FAM13B: variants seen among roughly 807,000 people sequenced by gnomAD.
The protein encoded by FAM13B is family with sequence similarity 13 member B.
FAM13B carries 60 observed loss-of-function variants against 117.3 expected under a neutral mutation model. The observed-to-expected ratio is 0.51, with a 90% confidence interval of 0.42 to 0.63. The LOEUF (loss-of-function observed/expected upper bound fraction) is 0.63. FAM13B is among the 30% of genes least tolerant of loss of function. FAM13B has a pLI of 0.00. For missense variants in FAM13B, 972 were observed against 1,091.9 expected, an observed-to-expected ratio of 0.89 and a Z score of 1.55; for synonymous variants, 332 against 356.1, an observed-to-expected ratio of 0.93 and a Z score of 0.76.
intron 4 of FAM13B, among the ~76,000 whole-genome samples, chr5:138,017,957 T>C (rs1257126325): frequency 6.6e-6 from 1 of 152,206 alleles, no homozygotes; most frequent in Non-Finnish European, 1.5e-5. Flanking sequence ...AGCAACACCT[T>C]TGGCTACTAT....
At chr5:138,035,217 C>T (rs1274183862), upstream of FAM13B, among the ~76,000 whole-genome samples, 4 of 151,360 alleles carry the variant, frequency 2.6e-5, no homozygotes, top group African/African-American at 4.9e-5. Context: ...CCCTATGTTG[C>T]CCAGGCCTCT....
intron 1 of FAM13B, among the ~76,000 whole-genome samples, chr5:138,023,476 T>C (rs952403140): frequency 2.0e-5 from 3 of 152,220 alleles, no homozygotes; most frequent in Non-Finnish European, 4.4e-5. Flanking sequence ...AACCAGAGAA[T>C]GTGATTCTCA....
chr5:138,050,601 C>A (rs1353276782), intron 1 of FAM13B, among the ~76,000 whole-genome samples: 5 of 152,170 alleles, frequency 3.3e-5, no homozygotes, highest in African/African-American at 1.2e-4. Context: ...TCCAAAGAAG[C>A]CCAAGACCTT....
intron 10 of FAM13B, among the ~76,000 whole-genome samples, chr5:137,971,774 G>A (rs1053448931): frequency 2.0e-5 from 3 of 149,200 alleles, no homozygotes; most frequent in Non-Finnish European, 4.5e-5. Flanking sequence ...AAATGATAAA[G>A]GGGATATCAC....
At chr5:138,010,204 C>T (rs1341351433) in intron 6 of FAM13B, among the ~76,000 whole-genome samples, 1 of 152,166 alleles carries the variant, frequency 6.6e-6, no homozygotes, top group Admixed American at 6.5e-5. Flanking sequence ...TGGTCTCAAA[C>T]CCCTGACCTC....
chr5:138,024,236 T>C (rs1787554725), intron 1 of FAM13B, among the ~76,000 whole-genome samples: 1 of 151,368 alleles, frequency 6.6e-6, no homozygotes, highest in Non-Finnish European at 1.5e-5. Flanking sequence ...CAAGAGGAAA[T>C]CATCCTAGAT....
chr5:138,010,717 A>C (rs181660508), intron 6 of FAM13B, among the ~76,000 whole-genome samples: 13 of 152,142 alleles, frequency 8.5e-5, no homozygotes, highest in Non-Finnish European at 1.3e-4. Context: ...GCAAAAAACC[A>C]AAACACTGCA....
chr5:137,988,435 T>G (rs1777784362), intron 7 of FAM13B, 120 bp from the exon 8 acceptor site: 1 of 698,988 alleles, frequency 1.4e-6, no homozygotes, highest in African/African-American at 1.9e-5. Flanking sequence ...TACTAAGTGT[T>G]GTATTCTTGT....
intron 10 of FAM13B, among the ~76,000 whole-genome samples, chr5:137,968,990 A>G (rs1024982990): frequency 5.3e-5 from 8 of 152,164 alleles, no homozygotes; most frequent in Non-Finnish European, 1.0e-4. Context: ...TTGCTACCAC[A>G]GCAGTCTGAG....
chr5:137,974,526 G>A (rs1383990487), intron 10 of FAM13B, among the ~76,000 whole-genome samples: 1 of 148,134 alleles, frequency 6.8e-6, no homozygotes, highest in Non-Finnish European at 1.5e-5. Context: ...GAGTTAGTGG[G>A]TGCAGCGCAC....
chr5:138,022,363 C>A (rs1329317435), intron 1 of FAM13B, among the ~76,000 whole-genome samples: 3 of 152,134 alleles, frequency 2.0e-5, no homozygotes, highest in African/African-American at 4.8e-5. Flanking sequence ...CATCTATTAA[C>A]AAATCTTTTA....
intron 10 of FAM13B, among the ~76,000 whole-genome samples, chr5:137,973,609 G>A (rs1325553752): frequency 1.3e-5 from 2 of 152,204 alleles, no homozygotes; most frequent in Non-Finnish European, 2.9e-5. Flanking sequence ...ATTGACAAAT[G>A]GGATCTGATT....
At chr5:138,015,489 G>C (rs1785035791) in intron 4 of FAM13B, among the ~76,000 whole-genome samples, 1 of 152,158 alleles carries the variant, frequency 6.6e-6, no homozygotes, top group South Asian at 2.1e-4. Context: ...GATCACTTGA[G>C]GTCAGGAGTT....
At chr5:137,969,302 C>G (rs1771224968) in intron 10 of FAM13B, among the ~76,000 whole-genome samples, 2 of 152,192 alleles carry the variant, frequency 1.3e-5, no homozygotes, top group African/African-American at 4.8e-5. Context: ...GGTCCCTGAC[C>G]CTTGACCCCC....
Position 138,011,913 on chromosome 5 carries a change from A to G in FAM13B, c.403T>C (p.Leu135=). ...YNNEDEFGRK[L]RFLLQQLPPV... is the part of the protein sequence containing the mutation. Reference sequence around the variant, plus strand: ...GGAAGCTGTTGCAAGAGGAACCTCAACTTTCTTCCAAATTCATCTTCATTA... The same window carrying G: ...GGAAGCTGTTGCAAGAGGAACCTCAGCTTTCTTCCAAATTCATCTTCATTA... The change falls in exon 5 of 24, where the codon TTG becomes CTG. Residue 135 remains leucine (L), a synonymous_variant. Transcript: ENST00000689681. 1.3e-6 allele frequency: 2 copies of G among 1,592,138 alleles called. No homozygotes were observed. Among genetic ancestry groups the G allele is most frequent in the South Asian group, 2.3e-5 (2 of 86,442 alleles).
intron 1 of FAM13B, among the ~76,000 whole-genome samples, chr5:138,050,560 G>C (rs1791773124): frequency 6.6e-6 from 1 of 152,202 alleles, no homozygotes; most frequent in Admixed American, 6.5e-5. Flanking sequence ...TGGACTCGGA[G>C]ATACTACAAC....
Position 137,979,013 on chromosome 5 carries a change from CT to C in FAM13B, c.1179+6243del, listed in dbSNP as rs1255405160. Among the ~76,000 whole-genome samples, 884 of 138,190 alleles carry C rather than the reference CT, an allele frequency of 6.4e-3. 1 individual carries two copies. The highest frequency in any genetic ancestry group is 8.1e-3 in the Non-Finnish European group (510 of 63,178). The allele number at this position is 138,190 out of a possible 152,430, so 90.7% of individuals were successfully genotyped here. A position where few individuals can be genotyped will look rare whatever the true frequency, so the allele number is the denominator to read the frequency against. ...CCTTCCCTAGGGCTCACAGTTCAGA[CT>C]TTTTTTTTTTTTTTTTGAGACAGGG... On this transcript the variant is annotated intron_variant, in intron 10 of 23. Coordinates refer to ENST00000689681, the MANE Select transcript of FAM13B (RefSeq NM_001385994.1).
Position 138,019,056 on chromosome 5 carries a change from T to C in FAM13B, c.56A>G (p.Lys19Arg). 6.2e-7 allele frequency: 1 copy of C among 1,614,106 alleles called. No individual in the cohort carries two copies. The highest frequency in any genetic ancestry group is 1.7e-5 in the Admixed American group (1 of 60,020). The change falls in exon 3 of 24, where the codon AAA (lysine) becomes AGA (arginine). Residue 19 changes from lysine (K) to arginine (R), a missense_variant. Physicochemically the swap from Lys to Arg is conservative, Grantham distance 26 (BLOSUM62 2). Transcript: ENST00000689681. ...LSNCNSVLANKIFGIPLDELQ... is the reference protein window; with the variant it reads ...LSNCNSVLANRIFGIPLDELQ... ...CTCATCAAGTGGAATTCCAAATATT[T>C]TGTTAGCAAGAACGGAGTTGCAGTT...
intron 18 of FAM13B, among the ~76,000 whole-genome samples, chr5:137,948,587 G>T (rs1390967884): frequency 6.6e-6 from 1 of 151,988 alleles, no homozygotes; most frequent in Non-Finnish European, 1.5e-5. Context: ...TAGAGACAGG[G>T]TCTCACTTTG....
Sources: gnomAD v4.1 joint callset for allele counts (sites outside exome capture counted in the v4.1 genomes callset) on GRCh38, gnomAD v4.1.1 for gene constraint, MANE v1.5 for transcripts, NCBI Gene and HGNC (gene_info 2026-07-23, HGNC 2026-07-21) for gene names.